Variants in DLG1 observed in about 807,000 individuals in gnomAD.
DLG1 encodes disks large homolog 1.
A neutral mutation model predicts 123.4 loss-of-function variants in DLG1; 42 were observed. The ratio of observed to expected loss-of-function variants is 0.34; its 90% CI spans 0.27 to 0.44. DLG1 has a LOEUF of 0.44. DLG1 is among the 20% of genes least tolerant of loss of function. DLG1 has a pLI of 1.00. For synonymous variants in DLG1, 317 were observed against 356.2 expected (o/e 0.89, Z 1.24); for missense variants, 942 against 1,082.6 (o/e 0.87, Z 1.82).
chr3:197,068,621 T>G, intron 19 of DLG1: 1 of 812,424 alleles, frequency 1.2e-6, no homozygotes, highest in Non-Finnish European at 2.0e-6. Flanking sequence ...TTATGTACCC[T>G]CCCCTTCTCC....
intron 12 of DLG1, among the ~76,000 whole-genome samples, chr3:197,118,297 T>A (rs542341724): frequency 2.1e-4 from 32 of 152,256 alleles, no homozygotes; most frequent in African/African-American, 7.5e-4. Flanking sequence ...TAGAAAGTAA[T>A]AAAAATAAAT....
At chr3:197,294,945 A>G (rs569560069) in intron 3 of DLG1, among the ~76,000 whole-genome samples, 1 of 152,330 alleles carries the variant, frequency 6.6e-6, no homozygotes, top group South Asian at 2.1e-4. Context: ...GCGAAAAAAC[A>G]TACTTTTTTT....
At chr3:197,296,242 T>C in intron 3 of DLG1, 104 bp downstream of exon 3, 1 of 1,114,656 alleles carries the variant, frequency 9.0e-7, no homozygotes, top group Non-Finnish European at 1.3e-6. Flanking sequence ...AGTTACCGAA[T>C]GCCTCAGAGA....
intron 4 of DLG1, among the ~76,000 whole-genome samples, chr3:197,228,933 T>A (rs1353823796): frequency 1.3e-5 from 2 of 152,084 alleles, no homozygotes; most frequent in Non-Finnish European, 2.9e-5. Flanking sequence ...GGCAAAAAAA[T>A]TGGTAGTACG....
chr3:197,080,267 C>CTTTTTTTTTTTTTTTTTTTTT (rs767056279), intron 17 of DLG1, among the ~76,000 whole-genome samples: 1 of 51,870 alleles, frequency 1.9e-5, no homozygotes, highest in African/African-American at 8.4e-5. Flanking sequence ...GATATATTTC[C>CTTTTTTTTTTTTTTTTTTTTT]TTTTTTTTTT....
chr3:197,107,151 T>C (rs1766947184), intron 13 of DLG1, among the ~76,000 whole-genome samples: 1 of 152,214 alleles, frequency 6.6e-6, no homozygotes, highest in Admixed American at 6.5e-5. Context: ...TGTGCTTGGC[T>C]TCTTTCACTT....
intron 4 of DLG1, among the ~76,000 whole-genome samples, chr3:197,258,168 A>C (rs1451385559): frequency 6.6e-6 from 1 of 152,216 alleles, no homozygotes; most frequent in Non-Finnish European, 1.5e-5. Context: ...TTTAACTCGA[A>C]GAGAAGTACA....
At chr3:197,169,656 ACTAT>A (rs1237697393) in intron 5 of DLG1, among the ~76,000 whole-genome samples, 6 of 152,234 alleles carry the variant, frequency 3.9e-5, no homozygotes, top group East Asian at 1.9e-4. Flanking sequence ...AAATGAACAT[ACTAT>A]CTGATAGCTA....
intron 3 of DLG1, among the ~76,000 whole-genome samples, chr3:197,286,136 G>C (rs1771718574): frequency 6.6e-6 from 1 of 152,210 alleles, no homozygotes; most frequent in Admixed American, 6.5e-5. Context: ...ACATACTTAT[G>C]ATTCCAATTA....
intron 15 of DLG1, among the ~76,000 whole-genome samples, chr3:197,087,553 T>A (rs3843376): frequency 6.6e-6 from 1 of 151,866 alleles, no homozygotes; most frequent in Non-Finnish European, 1.5e-5. Flanking sequence ...TATAGCACAC[T>A]GTGTCTATTT....
intron 5 of DLG1, among the ~76,000 whole-genome samples, chr3:197,178,181 C>G (rs910715218): frequency 4.0e-5 from 6 of 151,888 alleles, no homozygotes; most frequent in African/African-American, 1.5e-4. Context: ...TTAGAGGAAG[C>G]AAAAAATATT....
chr3:197,158,157 C>T (rs1345144289), intron 5 of DLG1, among the ~76,000 whole-genome samples: 1 of 152,122 alleles, frequency 6.6e-6, no homozygotes, highest in Non-Finnish European at 1.5e-5. Flanking sequence ...AAAGAAGACA[C>T]ACACATGGAC....
At chr3:197,123,110 C>G (rs1777272618) in intron 11 of DLG1, among the ~76,000 whole-genome samples, 3 of 152,038 alleles carry the variant, frequency 2.0e-5, no homozygotes, top group Admixed American at 1.3e-4. Flanking sequence ...AATTATATAT[C>G]TGCATATTAA....
chr3:197,262,606 G>C (rs1472244960), intron 4 of DLG1, among the ~76,000 whole-genome samples: 3 of 152,142 alleles, frequency 2.0e-5, no homozygotes, highest in Non-Finnish European at 4.4e-5. Flanking sequence ...AGTCTTGTGG[G>C]GCTGAGCCCC....
intron 11 of DLG1, among the ~76,000 whole-genome samples, chr3:197,129,472 T>A (rs1323897781): frequency 2.0e-5 from 3 of 152,242 alleles, no homozygotes; most frequent in Non-Finnish European, 2.9e-5. Flanking sequence ...TTGATCTATC[T>A]AGACCACTTC....
intron 10 of DLG1, among the ~76,000 whole-genome samples, chr3:197,133,671 A>T (rs1783748196): frequency 6.6e-6 from 1 of 152,184 alleles, no homozygotes; most frequent in Admixed American, 6.5e-5. Context: ...CTTGGGAGTG[A>T]ATAGTAAAAA....
chr3:197,090,820 G>A (rs561221775), intron 15 of DLG1, 92 bp downstream of exon 15: 505 of 704,084 alleles, frequency 7.2e-4, no homozygotes, highest in Non-Finnish European at 9.8e-4. Context: ...ATTTTCTTAC[G>A]GTAAAACTAA....
At chr3:197,191,085 C>T (rs551486955) in intron 5 of DLG1, among the ~76,000 whole-genome samples, 12 of 152,154 alleles carry the variant, frequency 7.9e-5, no homozygotes, top group African/African-American at 2.4e-4. Flanking sequence ...AAAAGTCTTC[C>T]CAATTATAAT....
chr3:197,189,654 C>T (rs1718184274), intron 5 of DLG1, among the ~76,000 whole-genome samples: 1 of 152,154 alleles, frequency 6.6e-6, no homozygotes. Flanking sequence ...CAAAAGAGAA[C>T]AAGATGAACA....
Sources: gnomAD v4.1 joint callset for allele counts (sites outside exome capture counted in the v4.1 genomes callset) on GRCh38, gnomAD v4.1.1 for gene constraint, MANE v1.5 for transcripts, NCBI Gene and HGNC (gene_info 2026-07-23, HGNC 2026-07-21) for gene names.